PACS2: variants seen among roughly 807,000 people sequenced by gnomAD.
PACS2 encodes phosphofurin acidic cluster sorting protein 2.
Under a neutral mutation model 113.0 loss-of-function variants are expected in PACS2, and 36 were observed. The observed-to-expected ratio is 0.32, with a 90% CI of 0.24 to 0.42. PACS2 has a LOEUF of 0.42. Ranked by LOEUF, PACS2 falls within the 10% of genes least tolerant of loss-of-function variation. PACS2 has a pLI of 1.00. For missense variants in PACS2, 1,015 were observed against 1,239.5 expected (o/e 0.82, Z 2.72); for synonymous variants, 589 against 536.1 (o/e 1.10, Z -1.36).
rs1386460416 is a variant in PACS2, at chr14:105,354,661, G to A, written c.298-391G>A. Among the ~76,000 whole-genome samples, 8 of 152,322 alleles carry A rather than the reference G, an allele frequency of 5.3e-5. No individual in the cohort carries two copies. In the East Asian group the frequency reaches 5.8e-4, roughly 11 times the overall value. On this transcript the variant is annotated intron_variant, in intron 3 of 24. Coordinates refer to ENST00000447393, the MANE Select transcript of PACS2 (RefSeq NM_001100913.3). This position sits in a 1 kb window ranked among gnomAD's most constrained non-coding sequence, Gnocchi z 4.2. Reference sequence around the variant, plus strand: ...GCCCTCCCCGCCCTGTGTGCCCCTCGCGGAAAAGCGTCCTGGGTCCCACCT... The same window carrying A: ...GCCCTCCCCGCCCTGTGTGCCCCTCACGGAAAAGCGTCCTGGGTCCCACCT...
At chr14:105,389,888 C>G (rs2081299572) in intron 19 of PACS2, 73 bp from the exon 20 acceptor site, 6 of 1,395,850 alleles carry the variant, frequency 4.3e-6, no homozygotes, top group South Asian at 1.2e-5. Context: ...GTTCTCAGGC[C>G]AAGAGGGAGC....
At position 105,376,762 on chromosome 14, in the gene PACS2, G is replaced by C; in HGVS notation, c.802-6G>C. 1 of 1,611,776 alleles carries C rather than the reference G, an allele frequency of 6.2e-7. No homozygotes were observed. The highest frequency in any genetic ancestry group is 8.5e-7 in the Non-Finnish European group (1 of 1,179,116). The stretch of plus-strand genomic sequence containing the variant: ...GGGAACTCACGCGTGCCTGGCACCC[G>C]TGCAGGTCCTGGACTCGGAGCAGGA... On this transcript the variant is annotated splice_region_variant and splice_polypyrimidine_tract_variant and intron_variant, in intron 8 of 24. Coordinates refer to ENST00000447393, the MANE Select transcript of PACS2 (RefSeq NM_001100913.3). The surrounding 1 kb of genome is among the most constrained non-coding windows in gnomAD (Gnocchi z 4.7).
At position 105,376,534 on chromosome 14, in the gene PACS2, C is replaced by T. The variant is rs949032287; in HGVS notation, c.802-234C>T. ...CACCCTGGCAGCCCAGATGACTGCA[C>T]CAGCCCAGGGGAGGTGGAGGAATGC... is the stretch of plus-strand genomic sequence containing the variant. On this transcript the variant is annotated intron_variant, in intron 8 of 24. Coordinates refer to ENST00000447393, the MANE Select transcript of PACS2 (RefSeq NM_001100913.3). This position sits in a 1 kb window ranked among gnomAD's most constrained non-coding sequence, Gnocchi z 4.7. 2.0e-5 allele frequency among the ~76,000 whole-genome samples: 3 copies of T among 152,278 alleles called. No individual in the cohort carries two copies. Among genetic ancestry groups the T allele is most frequent in the Non-Finnish European group, 4.4e-5 (3 of 68,012 alleles).
chr14:105,389,586 A>C, intron 19 of PACS2: 11 of 252,790 alleles, frequency 4.4e-5, no homozygotes, highest in Non-Finnish European at 7.9e-5. Context: ...TTGGTGGGGA[A>C]GTGGAAATGC....
At chr14:105,370,008 C>A in intron 8 of PACS2, 108 bp downstream of exon 8, 1 of 966,576 alleles carries the variant, frequency 1.0e-6, no homozygotes, top group South Asian at 1.5e-5. Flanking sequence ...CTGCCGCTCA[C>A]CGTCTGCACG....
chr14:105,306,023 A>G (rs1566883888), intron 1 of PACS2, among the ~76,000 whole-genome samples: 3 of 152,242 alleles, frequency 2.0e-5, no homozygotes, highest in Admixed American at 2.0e-4. Flanking sequence ...AGCGGGGCCC[A>G]GGCTGGGGGT....
At chr14:105,313,976 A>T (rs1019243410), upstream of PACS2, among the ~76,000 whole-genome samples, 4 of 152,222 alleles carry the variant, frequency 2.6e-5, no homozygotes, top group Non-Finnish European at 1.5e-5. Context: ...GGCCCCAGAC[A>T]TTTGTTCTCC....
chr14:105,367,525 A>G, intron 5 of PACS2, 150 bp downstream of exon 5: 1 of 764,884 alleles, frequency 1.3e-6, no homozygotes. Context: ...TGGAAGCCAC[A>G]GCAGAGGTGC....
In PACS2 at chr14:105,381,966, C is replaced by T. The variant is rs147649140; in HGVS notation, c.1321C>T (p.Arg441Trp). 10 of 1,550,248 alleles carry T rather than the reference C, an allele frequency of 6.5e-6. No homozygotes were observed. The highest frequency in any genetic ancestry group is 2.7e-5 in the African/African-American group (2 of 73,090). Residue 441 changes from arginine (R) to tryptophan (W), a missense_variant, in exon 13 of 25, where the codon CGG (arginine) becomes TGG (tryptophan). Physicochemically the swap from Arg to Trp is moderately radical, Grantham distance 101 (BLOSUM62 -3). This residue lies in a region of PACS2 where 859 missense variants were observed against 1,056.8 expected (regional missense o/e 0.81). Coordinates refer to ENST00000447393, the MANE Select transcript of PACS2 (RefSeq NM_001100913.3). ...RRGRSTSLKE[R>W]QAARPQNERA... ...GGGCCGGAGCACATCCTTGAAGGAG[C>T]GGCAGGCAGCACGGCCCCAGAATGA...
chr14:105,381,091 C>T lies in PACS2; in HGVS notation c.1260C>T (p.Pro420=). 1.9e-6 allele frequency: 3 copies of T among 1,611,432 alleles called. No homozygotes were observed. Among genetic ancestry groups the T allele is most frequent in the Non-Finnish European group, 2.5e-6 (3 of 1,179,148 alleles). The stretch of plus-strand genomic sequence containing the variant: ...CCAAGACAGAGTCCCTTGTCATCCC[C>T]TCCACCAGGTGATGGGGGCTGCACG... The part of the protein sequence containing the change: ...RITKTESLVI[P]STRSEGKQAG... The change falls in exon 12 of 25, where the codon CCC becomes CCT. Residue 420 remains proline (P), a synonymous_variant. Transcript: ENST00000447393.
At chr14:105,309,594 G>A (rs1302694897), upstream of PACS2, among the ~76,000 whole-genome samples, 1 of 152,100 alleles carries the variant, frequency 6.6e-6, no homozygotes, top group Non-Finnish European at 1.5e-5. The surrounding 1 kb of genome is among the most constrained non-coding windows in gnomAD (Gnocchi z 4.0). Context: ...CTCCCAAGAC[G>A]CTGCCAAGCC....
intron 16 of PACS2, 142 bp downstream of exon 16, chr14:105,383,655 C>T (rs782238577): frequency 4.8e-5 from 32 of 664,508 alleles, no homozygotes; most frequent in Non-Finnish European, 5.7e-5. Flanking sequence ...TGTGGCATGG[C>T]GTGGTGTCCC....
chr14:105,376,965 CAG>C lies in PACS2; in HGVS notation c.959+42_959+43del. ...GCGGGGCGGGGAGGAACAGCCATTT[CAG>C]ATGCCCCGGCCACTCTGCGACCACT... On this transcript the variant is annotated intron_variant, in intron 9 of 24. Transcript: ENST00000447393. The surrounding 1 kb of genome is among the most constrained non-coding windows in gnomAD (Gnocchi z 4.7). 6.5e-7 allele frequency: 1 copy of C among 1,547,176 alleles called. No homozygotes were observed. The highest frequency in any genetic ancestry group is 8.7e-7 in the Non-Finnish European group (1 of 1,143,736).
intron 2 of PACS2, among the ~76,000 whole-genome samples, chr14:105,349,262 A>T (rs2060062927): frequency 6.6e-6 from 1 of 152,188 alleles, no homozygotes; most frequent in Admixed American, 6.5e-5. Context: ...TGGCCTGTAT[A>T]GGGCCACCGC....
upstream of PACS2, among the ~76,000 whole-genome samples, chr14:105,309,566 C>A (rs1304298880): frequency 3.3e-5 from 5 of 152,172 alleles, no homozygotes; most frequent in African/African-American, 1.2e-4. This position sits in a 1 kb window ranked among gnomAD's most constrained non-coding sequence, Gnocchi z 4.0. Flanking sequence ...CATGGGATAC[C>A]CATGAGCCCA....
In PACS2 at chr14:105,324,971, G is replaced by T. The variant is rs1270647885; in HGVS notation, c.119+9934G>T. On this transcript the variant is annotated intron_variant, in intron 1 of 24. Transcript: ENST00000447393. This position sits in a 1 kb window ranked among gnomAD's most constrained non-coding sequence, Gnocchi z 4.7. ...CCCTTCCTGCTGGGGGTGCACACGGGCCTGGGGCTGAGCAACCCGCTCTGG... is the reference window on the plus strand; with the variant it reads ...CCCTTCCTGCTGGGGGTGCACACGGTCCTGGGGCTGAGCAACCCGCTCTGG... Among the ~76,000 whole-genome samples, 4 of 152,006 alleles carry T rather than the reference G, an allele frequency of 2.6e-5. No individual in the cohort carries two copies. The highest frequency in any genetic ancestry group is 9.7e-5 in the African/African-American group (4 of 41,384).
intron 1 of PACS2, among the ~76,000 whole-genome samples, chr14:105,335,553 A>G (rs1343684033): frequency 6.6e-6 from 1 of 152,130 alleles, no homozygotes; most frequent in Non-Finnish European, 1.5e-5. Flanking sequence ...ACCCTCCCTC[A>G]TGGGCAGGGC....
chr14:105,317,298 A>C lies in PACS2; in HGVS notation c.119+2261A>C, dbSNP rs913209629. On this transcript the variant is annotated intron_variant, in intron 1 of 24. Coordinates refer to ENST00000447393, the MANE Select transcript of PACS2 (RefSeq NM_001100913.3). This position sits in a 1 kb window ranked among gnomAD's most constrained non-coding sequence, Gnocchi z 4.2. ...CGTGCTGCTGTGGACATCGTGTGCC[A>C]GTCTTCTGCGTGTGTCTTTCTGGAT... Among the ~76,000 whole-genome samples, 1 of 151,968 alleles carries C rather than the reference A, an allele frequency of 6.6e-6. No individual in the cohort carries two copies. Among genetic ancestry groups the C allele is most frequent in the African/African-American group, 2.4e-5 (1 of 41,386 alleles).
At chr14:105,388,232 T>C (rs2081243133) in intron 19 of PACS2, among the ~76,000 whole-genome samples, 1 of 152,202 alleles carries the variant, frequency 6.6e-6, no homozygotes, top group Admixed American at 6.5e-5. Context: ...GCCGTCCAGG[T>C]TGGCGTCTGG....
Sources: gnomAD v4.1 joint callset for allele counts (sites outside exome capture counted in the v4.1 genomes callset) on GRCh38, gnomAD v4.1.1 for gene constraint, gnomAD v4.1.1 regional missense constraint, Gnocchi (gnomAD v3.1) non-coding constraint, MANE v1.5 for transcripts, NCBI Gene and HGNC (gene_info 2026-07-23, HGNC 2026-07-21) for gene names.